PDZD7: variants seen among roughly 807,000 people sequenced by gnomAD.
PDZD7 encodes PDZ domain containing 7, also known as PDZ domain-containing protein 7.
In PDZD7, 72 loss-of-function variants were observed where a neutral mutation model predicts 84.7. That is an observed-to-expected ratio of 0.85 (90% confidence interval 0.70 to 1.03). The LOEUF (loss-of-function observed/expected upper bound fraction) is 1.03. Among genes scored for constraint, PDZD7 ranks in the 50% least tolerant of loss-of-function variants. The pLI, the probability that PDZD7 is intolerant of heterozygous loss-of-function variation, is 0.00. For synonymous variants in PDZD7, 594 were observed against 580.7 expected (o/e 1.02, Z -0.33); for missense variants, 1,490 against 1,412.9 (o/e 1.05, Z -0.87).
chr10:101,018,784 G>A lies in PDZD7; in HGVS notation c.1324+38C>T, dbSNP rs763080722. The A allele has an allele frequency of 2.6e-6, 4 of 1,546,310 alleles. No homozygotes were observed. The Admixed American group carries it at 7.5e-5, about 29-fold the overall frequency. ...ATGTGAGACAGGTTTTGGACCAGAGGCTGTGGAGGGAGCAGCCGCCACCCA... is the reference window on the plus strand; with the variant it reads ...ATGTGAGACAGGTTTTGGACCAGAGACTGTGGAGGGAGCAGCCGCCACCCA... On this transcript the variant is annotated intron_variant, in intron 8 of 16. Coordinates refer to ENST00000619208, the MANE Select transcript of PDZD7 (RefSeq NM_001195263.2).
intron 14 of PDZD7, 137 bp from the exon 15 acceptor site, chr10:101,011,020 G>T (rs990429585): frequency 1.4e-5 from 20 of 1,474,132 alleles, no homozygotes; most frequent in African/African-American, 4.3e-5. Context: ...ACCCACCGGG[G>T]AGGCAGACAG....
Position 101,008,381 on chromosome 10 carries a change from G to A in PDZD7, c.*86C>T. ...GGAGGAGGCAGGGTGGGCAGGAGCTGGAGAGTCCTGAAGAAGTTGGTAGGA... is the reference window on the plus strand; with the variant it reads ...GGAGGAGGCAGGGTGGGCAGGAGCTAGAGAGTCCTGAAGAAGTTGGTAGGA... On this transcript the variant is annotated 3_prime_UTR_variant, in exon 17 of 17. Transcript: ENST00000619208. The A allele has an allele frequency of 7.6e-7, 1 of 1,321,152 alleles. No homozygotes were observed. Among genetic ancestry groups the A allele is most frequent in the African/African-American group, 1.5e-5 (1 of 67,632 alleles). 81.8% of individuals were successfully genotyped at this position (1,321,152 alleles called of 1,614,324 possible).
rs569507286 is a variant in PDZD7, at chr10:101,010,717, G to A, written c.2172C>T (p.Ala724=). Residue 724 remains alanine (A), a synonymous_variant, in exon 15 of 17, where the codon GCC becomes GCT. Coordinates refer to ENST00000619208, the MANE Select transcript of PDZD7 (RefSeq NM_001195263.2). ...TGCAGGCAATTCGGAGGGGGGTGAA[G>A]GCATCTACTGGCACGTCTTGTAGAG... ...IPPLQDVPVD[A]FTPLRIACTP... 7.3e-7 allele frequency: 1 copy of A among 1,371,930 alleles called. No homozygotes were observed. The highest frequency in any genetic ancestry group is 1.2e-5 in the South Asian group (1 of 81,950). The allele number at this position is 1,371,930 out of a possible 1,614,324, so 85.0% of individuals were successfully genotyped here.
In PDZD7 at chr10:101,022,129, A is replaced by G. The variant is rs899656125; in HGVS notation, c.719+80T>C. ...GTTGGCCAGGCCTCACTTGCTGACCATCCCCACATCCCAGCCTAGGCCCCA... is the reference window on the plus strand; with the variant it reads ...GTTGGCCAGGCCTCACTTGCTGACCGTCCCCACATCCCAGCCTAGGCCCCA... On this transcript the variant is annotated intron_variant, in intron 5 of 16. Transcript: ENST00000619208. 6 of 1,587,776 alleles carry G rather than the reference A, an allele frequency of 3.8e-6. No homozygotes were observed. In the Admixed American group the frequency reaches 5.1e-5, roughly 14 times the overall value.
At chr10:101,016,305 TG>T (rs1302678803) in intron 10 of PDZD7, 71 bp downstream of exon 10, 1 of 1,481,510 alleles carries the variant, frequency 6.7e-7, no homozygotes, top group Non-Finnish European at 9.2e-7. Context: ...GCCACTCAGC[TG>T]GCCCCCAGTA....
rs1206504105 is a variant in PDZD7, at chr10:101,022,256, G to A, written c.672C>T (p.Phe224=). The A allele has an allele frequency of 3.7e-6, 6 of 1,614,230 alleles. No individual in the cohort carries two copies. Among genetic ancestry groups the A allele is most frequent in the Admixed American group, 3.3e-5 (2 of 60,030 alleles). The change falls in exon 5 of 17, where the codon TTC becomes TTT. Residue 224 remains phenylalanine (F), a synonymous_variant. Transcript: ENST00000619208. Reference sequence around the variant, plus strand: ...CAAACTCCTTGCCCCCACGGATGTTGAAGCCCAGGCAGAAGTCGTCGGAGG... The same window carrying A: ...CAAACTCCTTGCCCCCACGGATGTTAAAGCCCAGGCAGAAGTCGTCGGAGG... The part of the protein sequence containing the change: ...YTTSDDFCLG[F]NIRGGKEFGL...
At chr10:101,021,698 G>A (rs1387249177) in intron 6 of PDZD7, 100 bp downstream of exon 6, 3 of 1,548,692 alleles carry the variant, frequency 1.9e-6, no homozygotes, top group Non-Finnish European at 2.7e-6. Context: ...TCTAGTGGCT[G>A]TGGGAACGTC....
At chr10:101,025,523 T>TTTA (rs1937633522) in intron 2 of PDZD7, among the ~76,000 whole-genome samples, 1 of 24,678 alleles carries the variant, frequency 4.1e-5, no homozygotes, top group Non-Finnish European at 6.9e-5. Context: ...TGGAAGGGAT[T>TTTA]TTATTTATTT....
chr10:101,027,535 A>G (rs763207823), intron 2 of PDZD7, among the ~76,000 whole-genome samples: 1 of 152,180 alleles, frequency 6.6e-6, no homozygotes, highest in Non-Finnish European at 1.5e-5. Context: ...AACTTGCTAA[A>G]AACGGGAATT....
Position 101,010,574 on chromosome 10 carries a change from C to A in PDZD7, c.2315G>T (p.Ser772Ile). ...PQSQIRGRAQ[S>I]RSRSRSRSRS... ...GCTGCGGCTACGGCTGCGGCTACGGCTCTGAGCCCGGCCCCGGATCTGGCT... is the reference window on the plus strand; with the variant it reads ...GCTGCGGCTACGGCTGCGGCTACGGATCTGAGCCCGGCCCCGGATCTGGCT... Residue 772 changes from serine to isoleucine, a missense_variant, in exon 15 of 17, where the codon AGC (serine) becomes ATC (isoleucine). By Grantham distance (142) the Ser-to-Ile change is moderately radical. Coordinates refer to ENST00000619208, the MANE Select transcript of PDZD7 (RefSeq NM_001195263.2). The A allele has an allele frequency of 6.6e-7, 1 of 1,518,762 alleles. No individual in the cohort carries two copies. Among genetic ancestry groups the A allele is most frequent in the East Asian group, 2.5e-5 (1 of 40,576 alleles). The allele number at this position is 1,518,762 out of a possible 1,614,324, so 94.1% of individuals were successfully genotyped here.
chr10:101,009,434 C>T (rs1852318536), intron 15 of PDZD7, 84 bp from the exon 16 acceptor site: 1 of 1,083,580 alleles, frequency 9.2e-7, no homozygotes, highest in Admixed American at 2.0e-5. Flanking sequence ...ATCCCATCCC[C>T]AAATCCAAGG....
rs1406015405 is a variant in PDZD7, at chr10:101,011,127, A to G, written c.2006-244T>C. On this transcript the variant is annotated intron_variant, in intron 14 of 16. Coordinates refer to ENST00000619208, the MANE Select transcript of PDZD7 (RefSeq NM_001195263.2). ...GCGATTTTGGCTCACTGCAACCTCC[A>G]CCTCCCAGGTTCAAGCGAGTCTCCT... 3 of 1,224,846 alleles carry G rather than the reference A, an allele frequency of 2.4e-6. No individual in the cohort carries two copies. The African/African-American group carries it at 4.6e-5, about 19-fold the overall frequency. 75.9% of individuals were successfully genotyped at this position (1,224,846 alleles called of 1,614,324 possible).
chr10:101,010,953 T>C (rs991455492), intron 14 of PDZD7, 70 bp from the exon 15 acceptor site: 16 of 1,520,480 alleles, frequency 1.1e-5, no homozygotes, highest in African/African-American at 2.9e-5. Flanking sequence ...CTTTGGTTTG[T>C]GTGGGGCCTG....
chr10:101,020,985 G>T lies in PDZD7; in HGVS notation c.868-307C>A, dbSNP rs148094455. Reference sequence around the variant, plus strand: ...CTATCTGCAAGCATCTAGTTTATTGGTCTGTCTCCCTCCAGTAGCAGAGAA... The same window carrying T: ...CTATCTGCAAGCATCTAGTTTATTGTTCTGTCTCCCTCCAGTAGCAGAGAA... On this transcript the variant is annotated intron_variant, in intron 6 of 16. Transcript: ENST00000619208. 5.9e-5 allele frequency among the ~76,000 whole-genome samples: 9 copies of T among 152,224 alleles called. No individual in the cohort carries two copies. In the East Asian group the frequency reaches 1.7e-3, roughly 29 times the overall value.
At chr10:101,011,507 T>C in intron 14 of PDZD7, 183 bp downstream of exon 14, 9 of 1,428,480 alleles carry the variant, frequency 6.3e-6, no homozygotes, top group Non-Finnish European at 8.2e-6. Flanking sequence ...TAAGTAATAG[T>C]ACAGGTGGTG....
At chr10:101,017,237 A>C (rs1224032875) in intron 9 of PDZD7, 2 of 203,888 alleles carry the variant, frequency 9.8e-6, no homozygotes, top group Non-Finnish European at 2.0e-5. Context: ...TTGCTATGCA[A>C]TAGAGGTCAT....
At chr10:101,028,620 C>T (rs922537033) in intron 2 of PDZD7, among the ~76,000 whole-genome samples, 3 of 148,766 alleles carry the variant, frequency 2.0e-5, no homozygotes, top group Non-Finnish European at 1.5e-5. Context: ...AAAAAAAAGA[C>T]GTTATAAACA....
In PDZD7 at chr10:101,009,358, CAGGG is replaced by C. The variant is rs1852316902; in HGVS notation, c.2618-12_2618-9del. 6 of 1,533,250 alleles carry C rather than the reference CAGGG, an allele frequency of 3.9e-6. No homozygotes were observed. The highest frequency in any genetic ancestry group is 3.9e-5 in the Admixed American group (2 of 50,988). The allele number at this position is 1,533,250 out of a possible 1,614,324, so 95.0% of individuals were successfully genotyped here. A position where few individuals can be genotyped will look rare whatever the true frequency, so the allele number is the denominator to read the frequency against. The stretch of plus-strand genomic sequence containing the variant: ...CCCCAGAAATGCTGATACCTAGTGA[CAGGG>C]AGAAACACCGTGTGAGAGTGCAGCC... On this transcript the variant is annotated splice_polypyrimidine_tract_variant and intron_variant, in intron 15 of 16. Transcript: ENST00000619208.
chr10:101,010,499 G>A lies in PDZD7; in HGVS notation c.2390C>T (p.Pro797Leu). The A allele has an allele frequency of 6.5e-7, 1 of 1,534,276 alleles. No homozygotes were observed. The highest frequency in any genetic ancestry group is 8.7e-7 in the Non-Finnish European group (1 of 1,145,456). ...GQGKSPGRRS[P>L]SPVPTPAPSM... ...GGGGGCAGGGGTAGGCACCGGGGATGGGGAGCGTCTACCTGGAGACTTGCC... is the reference window on the plus strand; with the variant it reads ...GGGGGCAGGGGTAGGCACCGGGGATAGGGAGCGTCTACCTGGAGACTTGCC... Residue 797 changes from proline to leucine, a missense_variant, in exon 15 of 17, where the codon CCA becomes CTA. Pro to Leu is a moderately conservative substitution (Grantham distance 98, BLOSUM62 -3). Coordinates refer to ENST00000619208, the MANE Select transcript of PDZD7 (RefSeq NM_001195263.2).
Sources: gnomAD v4.1 joint callset for allele counts (sites outside exome capture counted in the v4.1 genomes callset) on GRCh38, gnomAD v4.1.1 for gene constraint, MANE v1.5 for transcripts, NCBI Gene and HGNC (gene_info 2026-07-23, HGNC 2026-07-21) for gene names.